CTNNA3: variants seen among roughly 807,000 people sequenced by gnomAD.
The protein encoded by CTNNA3 is catenin alpha-3.
In CTNNA3, 76 loss-of-function variants were observed where a neutral mutation model predicts 95.7. That is an observed-to-expected ratio of 0.79 (90% confidence interval 0.66 to 0.96). The LOEUF is 0.96. Among genes scored for constraint, CTNNA3 ranks in the 40% least tolerant of loss-of-function variants. The pLI, the probability that CTNNA3 is intolerant of heterozygous loss-of-function variation, is 0.00. For missense variants in CTNNA3, 1,191 were observed against 1,089.8 expected, an observed-to-expected ratio of 1.09 and a Z score of -1.31; for synonymous variants, 431 against 374.4, an observed-to-expected ratio of 1.15 and a Z score of -1.74.
At chr10:67,024,793 T>G (rs1207601457) in intron 7 of CTNNA3, among the ~76,000 whole-genome samples, 1 of 152,176 alleles carries the variant, frequency 6.6e-6, no homozygotes, top group East Asian at 1.9e-4. Context: ...ATATTTTAAC[T>G]TGCTCAAAAG....
At chr10:66,665,305 T>A (rs1009211425) in intron 9 of CTNNA3, among the ~76,000 whole-genome samples, 2 of 152,168 alleles carry the variant, frequency 1.3e-5, no homozygotes, top group Admixed American at 1.3e-4. Context: ...ATAAAAAGCA[T>A]TGGATTTCTG....
intron 16 of CTNNA3, among the ~76,000 whole-genome samples, chr10:65,978,919 AG>A (rs2133295307): frequency 6.6e-6 from 1 of 152,298 alleles, no homozygotes; most frequent in South Asian, 2.1e-4. Context: ...AGGTACCTAT[AG>A]AAGTATGATT....
chr10:66,306,836 C>T (rs1034133914), intron 12 of CTNNA3, among the ~76,000 whole-genome samples: 9 of 152,036 alleles, frequency 5.9e-5, no homozygotes, highest in African/African-American at 1.2e-4. Context: ...CATCATGGAA[C>T]GACACTCACT....
intron 11 of CTNNA3, among the ~76,000 whole-genome samples, chr10:66,493,633 G>A (rs1465975105): frequency 3.4e-5 from 4 of 119,062 alleles, no homozygotes; most frequent in Non-Finnish European, 6.4e-5. Context: ...ACCGAGTCTC[G>A]CTCTGTCGCT....
intron 7 of CTNNA3, among the ~76,000 whole-genome samples, chr10:67,073,875 T>A (rs1856593607): frequency 6.6e-6 from 1 of 152,178 alleles, no homozygotes; most frequent in Non-Finnish European, 1.5e-5. Context: ...CAATCACATT[T>A]TACTGATGAG....
chr10:67,496,064 G>C (rs1321496247), intron 5 of CTNNA3, among the ~76,000 whole-genome samples: 1 of 152,176 alleles, frequency 6.6e-6, no homozygotes, highest in Non-Finnish European at 1.5e-5. Flanking sequence ...GTGAAATGCT[G>C]TGTAGTATAT....
chr10:66,565,480 G>T (rs78304352), intron 10 of CTNNA3, among the ~76,000 whole-genome samples: 3 of 152,066 alleles, frequency 2.0e-5, no homozygotes, highest in Admixed American at 2.0e-4. Flanking sequence ...TACGTGAGAC[G>T]GATCTTAATT....
At chr10:66,803,267 C>T (rs1299993171) in intron 7 of CTNNA3, among the ~76,000 whole-genome samples, 3 of 151,862 alleles carry the variant, frequency 2.0e-5, no homozygotes, top group Admixed American at 6.6e-5. Context: ...TTTTACAATC[C>T]GCCGTCATCA....
intron 5 of CTNNA3, among the ~76,000 whole-genome samples, chr10:67,452,532 AT>A (rs746597480): frequency 6.6e-6 from 1 of 152,126 alleles, no homozygotes; most frequent in Non-Finnish European, 1.5e-5. Flanking sequence ...ATATTTCCAA[AT>A]TTTTCTATAT....
In CTNNA3 at chr10:66,281,740, C is replaced by T. The variant is rs56693039; in HGVS notation, c.1733-1119G>A. On this transcript the variant is annotated intron_variant, in intron 12 of 17. Coordinates refer to ENST00000433211, the MANE Select transcript of CTNNA3 (RefSeq NM_013266.4). ...AAGTTGTATCTGCTTGTATGGCATA[C>T]CATCTCTTGCAATTCTGCCTGCCAT... Among the ~76,000 whole-genome samples the T allele has an allele frequency of 2.1e-3, 316 of 151,850 alleles. 2 individuals carry two copies. Among genetic ancestry groups the T allele is most frequent in the African/African-American group, 7.3e-3 (304 of 41,450 alleles).
chr10:66,434,716 C>A (rs1426937718), intron 11 of CTNNA3, among the ~76,000 whole-genome samples: 2 of 152,042 alleles, frequency 1.3e-5, no homozygotes, highest in Admixed American at 1.3e-4. Context: ...GCATCCTTGC[C>A]TGTGCTGGTT....
intron 13 of CTNNA3, among the ~76,000 whole-genome samples, chr10:66,128,088 A>T (rs1183012053): frequency 6.6e-6 from 1 of 152,096 alleles, no homozygotes; most frequent in Non-Finnish European, 1.5e-5. Flanking sequence ...AGAAAAGAAA[A>T]ACAGTTAGAA....
chr10:67,584,140 T>G (rs2133329369), intron 3 of CTNNA3, among the ~76,000 whole-genome samples: 1 of 152,288 alleles, frequency 6.6e-6, no homozygotes, highest in Non-Finnish European at 1.5e-5. Context: ...GGAAAAGAGG[T>G]GCTCTGATTT....
chr10:67,153,640 G>A (rs1861180331), intron 7 of CTNNA3, among the ~76,000 whole-genome samples: 2 of 152,268 alleles, frequency 1.3e-5, no homozygotes, highest in South Asian at 4.1e-4. Context: ...TTATTAGTGT[G>A]AATTTAGAGT....
chr10:66,706,342 CA>C (rs1848115896), intron 9 of CTNNA3, among the ~76,000 whole-genome samples: 1 of 151,484 alleles, frequency 6.6e-6, no homozygotes, highest in Admixed American at 6.6e-5. Context: ...TCATTGTTGT[CA>C]AAAGATAGCT....
chr10:66,272,573 C>T (rs1322173572), intron 13 of CTNNA3, among the ~76,000 whole-genome samples: 1 of 151,928 alleles, frequency 6.6e-6, no homozygotes, highest in Non-Finnish European at 1.5e-5. Context: ...AGACAATGCA[C>T]CACAGGGCCT....
chr10:66,322,475 G>C (rs748831437), intron 12 of CTNNA3, among the ~76,000 whole-genome samples: 60 of 152,198 alleles, frequency 3.9e-4, no homozygotes, highest in Middle Eastern at 3.4e-3. Context: ...TTCAGTTGGA[G>C]GAGGTGAGGC....
intron 5 of CTNNA3, among the ~76,000 whole-genome samples, chr10:67,367,377 C>A (rs542028799): frequency 1.3e-5 from 2 of 151,804 alleles, no homozygotes; most frequent in South Asian, 4.1e-4. Context: ...CCATCTTACA[C>A]AAGTCAGAAT....
At chr10:67,268,561 T>A (rs1866928600) in intron 5 of CTNNA3, among the ~76,000 whole-genome samples, 1 of 151,938 alleles carries the variant, frequency 6.6e-6, no homozygotes, top group South Asian at 2.1e-4. Flanking sequence ...GCCTTTTTTG[T>A]TTTTCAAAAT....
Sources: allele counts gnomAD v4.1 joint callset (sites outside exome capture counted in the v4.1 genomes callset), GRCh38; gene constraint gnomAD v4.1.1; transcripts MANE v1.5; gene names NCBI Gene and HGNC (gene_info 2026-07-23, HGNC 2026-07-21).